Variants in ATG10 observed in about 807,000 individuals in gnomAD.
ATG10 encodes the protein ubiquitin-like-conjugating enzyme ATG10.
ATG10 carries 30 observed loss-of-function variants against 32.1 expected under a neutral mutation model. That is an observed-to-expected ratio of 0.94 (90% CI 0.70 to 1.27). ATG10 has a LOEUF of 1.27. Ranked by LOEUF, ATG10 falls within the 50% of genes most tolerant of loss-of-function variation. ATG10 has a pLI of 0.00. For synonymous variants in ATG10, 87 were observed against 91.5 expected (o/e 0.95, Z 0.28); for missense variants, 233 against 262.3 (o/e 0.89, Z 0.77).
At chr5:82,139,233 G>C (rs1213980663) in intron 3 of ATG10, among the ~76,000 whole-genome samples, 1 of 146,666 alleles carries the variant, frequency 6.8e-6, no homozygotes, top group Non-Finnish European at 1.5e-5. Context: ...CTCCCAAAGT[G>C]CCGAGATTGC....
At chr5:82,017,654 G>T (rs1762326468) in intron 2 of ATG10, among the ~76,000 whole-genome samples, 1 of 152,032 alleles carries the variant, frequency 6.6e-6, no homozygotes, top group South Asian at 2.1e-4. Flanking sequence ...AAAACTATTT[G>T]TTTTAGAAGA....
intron 5 of ATG10, among the ~76,000 whole-genome samples, chr5:82,198,944 A>G (rs938307382): frequency 6.6e-6 from 1 of 152,208 alleles, no homozygotes; most frequent in Non-Finnish European, 1.5e-5. Flanking sequence ...TTTCACACTG[A>G]TACATTATAT....
intron 4 of ATG10, among the ~76,000 whole-genome samples, chr5:82,173,761 A>T (rs16899380): frequency 0.25 from 37,486 of 152,124 alleles, 6,205 homozygotes; most frequent in African/African-American, 0.48. Flanking sequence ...TTGATTGAGT[A>T]TGCTTATGTC....
At chr5:82,004,958 T>C (rs1761950623) in intron 2 of ATG10, among the ~76,000 whole-genome samples, 1 of 152,206 alleles carries the variant, frequency 6.6e-6, no homozygotes, top group South Asian at 2.1e-4. Flanking sequence ...TCAAGAGATA[T>C]ACCCTAATGT....
chr5:81,976,352 A>ATGG (rs1245034622), intron 1 of ATG10: 1 of 151,858 alleles, frequency 6.6e-6, no homozygotes, highest in Non-Finnish European at 1.5e-5. Context: ...TCCAAGCTTC[A>ATGG]TGGTGGTCAA....
chr5:82,064,238 A>G (rs1335490818), intron 3 of ATG10, among the ~76,000 whole-genome samples: 3 of 152,216 alleles, frequency 2.0e-5, no homozygotes, highest in African/African-American at 7.2e-5. Flanking sequence ...CTCTGCACTG[A>G]AGAGTGATAA....
chr5:81,990,673 G>A (rs1051352771), intron 2 of ATG10, among the ~76,000 whole-genome samples: 2 of 152,196 alleles, frequency 1.3e-5, no homozygotes, highest in African/African-American at 2.4e-5. Flanking sequence ...ACCCTTTGGA[G>A]TGGGAGTTAC....
At chr5:82,199,412 A>G (rs1353541043) in intron 5 of ATG10, among the ~76,000 whole-genome samples, 1 of 152,194 alleles carries the variant, frequency 6.6e-6, no homozygotes, top group Non-Finnish European at 1.5e-5. Flanking sequence ...AAGTCTTGAC[A>G]GCTAACTAGA....
chr5:82,203,374 C>T lies in ATG10; in HGVS notation c.453+24787C>T, dbSNP rs573860352. Among the ~76,000 whole-genome samples, 33 of 152,206 alleles carry T rather than the reference C, an allele frequency of 2.2e-4. No homozygotes were observed. The South Asian group carries it at 6.0e-3, about 28-fold the overall frequency. On this transcript the variant is annotated intron_variant, in intron 5 of 7. Coordinates refer to ENST00000282185, the MANE Select transcript of ATG10 (RefSeq NM_031482.5). ...TGGGTCAAAGCCAGGAAATAAAAGA[C>T]GAAAAACCAGGTGACTTACCCCCAA...
intron 3 of ATG10, among the ~76,000 whole-genome samples, chr5:82,131,086 T>G (rs1766500545): frequency 6.6e-6 from 1 of 151,498 alleles, no homozygotes; most frequent in South Asian, 2.1e-4. Context: ...GTGGAAGGAG[T>G]GGGGTAGGTT....
At chr5:81,989,640 C>T (rs1205547641) in intron 2 of ATG10, among the ~76,000 whole-genome samples, 1 of 151,910 alleles carries the variant, frequency 6.6e-6, no homozygotes, top group Non-Finnish European at 1.5e-5. Context: ...GCTCTGTCGC[C>T]CAGGCTGGAG....
chr5:82,252,455 C>G, intron 5 of ATG10, 107 bp from the exon 6 acceptor site: 1 of 710,772 alleles, frequency 1.4e-6, no homozygotes, highest in Non-Finnish European at 2.5e-6. Context: ...AATTCAATAA[C>G]TTGGAATTTG....
At chr5:82,022,183 C>T (rs971615873) in intron 2 of ATG10, among the ~76,000 whole-genome samples, 1 of 149,794 alleles carries the variant, frequency 6.7e-6, no homozygotes, top group Admixed American at 6.7e-5. Flanking sequence ...AGCAATACTC[C>T]GTCTCAAAAA....
chr5:82,085,693 A>G (rs906451243), intron 3 of ATG10, among the ~76,000 whole-genome samples: 24 of 152,094 alleles, frequency 1.6e-4, no homozygotes, highest in African/African-American at 5.3e-4. Context: ...ATAGAATTGC[A>G]ATAGGTACTC....
intron 3 of ATG10, among the ~76,000 whole-genome samples, chr5:82,137,353 C>G (rs1474095375): frequency 6.6e-6 from 1 of 152,190 alleles, no homozygotes; most frequent in Non-Finnish European, 1.5e-5. Context: ...GTGGATTTAT[C>G]TACCTTTGGT....
chr5:82,204,628 C>A (rs1745210259), intron 5 of ATG10, among the ~76,000 whole-genome samples: 1 of 151,944 alleles, frequency 6.6e-6, no homozygotes, highest in African/African-American at 2.4e-5. Context: ...GAGAAGTAAC[C>A]CAAACAAACT....
Position 82,139,226 on chromosome 5 carries a change from C to T in ATG10, c.217-25173C>T, listed in dbSNP as rs1766927233. Among the ~76,000 whole-genome samples, 3 of 146,564 alleles carry T rather than the reference C, an allele frequency of 2.0e-5. No individual in the cohort carries two copies. The South Asian group carries it at 6.7e-4, about 33-fold the overall frequency. ...CCTCCCAGCCGCCTGCCTTGGCCTC[C>T]CAAAGTGCCGAGATTGCAGCCTCTG... On this transcript the variant is annotated intron_variant, in intron 3 of 7. Coordinates refer to ENST00000282185, the MANE Select transcript of ATG10 (RefSeq NM_031482.5).
Position 82,074,509 on chromosome 5 carries a change from G to C in ATG10, c.216+15907G>C, listed in dbSNP as rs1764217239. Reference sequence around the variant, plus strand: ...ATTTTTTGGTTTTGTTACTATCTGTGCTCCTTTCTTTCATTCATCTTTTCT... The same window carrying C: ...ATTTTTTGGTTTTGTTACTATCTGTCCTCCTTTCTTTCATTCATCTTTTCT... On this transcript the variant is annotated intron_variant, in intron 3 of 7. Coordinates refer to ENST00000282185, the MANE Select transcript of ATG10 (RefSeq NM_031482.5). Among the ~76,000 whole-genome samples, 5 of 151,976 alleles carry C rather than the reference G, an allele frequency of 3.3e-5. No individual in the cohort carries two copies. The South Asian group carries it at 8.3e-4, about 25-fold the overall frequency.
chr5:82,250,158 T>C (rs1747196420), intron 5 of ATG10, among the ~76,000 whole-genome samples: 1 of 152,206 alleles, frequency 6.6e-6, no homozygotes, highest in African/African-American at 2.4e-5. Flanking sequence ...TAAACAGTCA[T>C]TGTTTTAGTC....
Sources: allele counts gnomAD v4.1 joint callset (sites outside exome capture counted in the v4.1 genomes callset), GRCh38; gene constraint gnomAD v4.1.1; transcripts MANE v1.5; gene names NCBI Gene and HGNC (gene_info 2026-07-23, HGNC 2026-07-21).